Variants in FARS2 observed in about 807,000 individuals in gnomAD.
The protein encoded by FARS2 is phenylalanyl-tRNA synthetase 2, mitochondrial.
FARS2 carries 40 observed loss-of-function variants against 46.4 expected under a neutral mutation model. The observed-to-expected ratio is 0.86, with a 90% CI of 0.67 to 1.12. The LOEUF (loss-of-function observed/expected upper bound fraction) is 1.12, where lower values mean the gene tolerates loss of function less well. Ranked by LOEUF, FARS2 falls within the 50% of genes most tolerant of loss-of-function variation. The probability of loss-of-function intolerance (pLI) is 0.00; values close to 1 mark genes in which losing one functional copy is unlikely to be tolerated. For missense variants in FARS2, 513 were observed against 567.9 expected, an observed-to-expected ratio of 0.90 and a Z score of 0.98; for synonymous variants, 234 against 214.9, an observed-to-expected ratio of 1.09 and a Z score of -0.78.
intron 1 of FARS2, among the ~76,000 whole-genome samples, chr6:5,293,311 T>A (rs916711247): frequency 2.6e-5 from 4 of 152,188 alleles, no homozygotes; most frequent in Non-Finnish European, 5.9e-5. Context: ...AATTATGTGC[T>A]GAAATGAGTG....
intron 1 of FARS2, among the ~76,000 whole-genome samples, chr6:5,340,090 A>G (rs1480157624): frequency 6.6e-6 from 1 of 152,158 alleles, no homozygotes; most frequent in Non-Finnish European, 1.5e-5. Flanking sequence ...CCAAATACTG[A>G]CTGAGTTCTT....
intron 5 of FARS2, chr6:5,610,310 T>TA (rs201834120): frequency 0.013 from 4,188 of 332,468 alleles, 1 homozygote; most frequent in Non-Finnish European, 0.017. Context: ...TCAATTCTTT[T>TA]TAAAAAAAAA....
At chr6:5,737,255 G>A (rs545251273) in intron 6 of FARS2, among the ~76,000 whole-genome samples, 5 of 152,324 alleles carry the variant, frequency 3.3e-5, no homozygotes, top group East Asian at 1.9e-4. Flanking sequence ...GATCCTGGCC[G>A]GGCGCAATGG....
upstream of FARS2, among the ~76,000 whole-genome samples, chr6:5,258,061 C>T (rs1480263034): frequency 6.6e-6 from 1 of 152,088 alleles, no homozygotes; most frequent in Non-Finnish European, 1.5e-5. Context: ...TGATAAAGGG[C>T]CTGCTGGATA....
intron 6 of FARS2, among the ~76,000 whole-genome samples, chr6:5,713,253 G>A (rs980058847): frequency 6.6e-6 from 1 of 152,210 alleles, no homozygotes; most frequent in African/African-American, 2.4e-5. Context: ...TAGCGTTTTG[G>A]TTGTAAAACA....
intron 1 of FARS2, among the ~76,000 whole-genome samples, chr6:5,338,666 A>G (rs974736581): frequency 1.1e-4 from 16 of 142,564 alleles, no homozygotes; most frequent in African/African-American, 4.0e-4. Flanking sequence ...AGGGCACTTC[A>G]TGGCATTCTC....
intron 6 of FARS2, among the ~76,000 whole-genome samples, chr6:5,768,467 A>G (rs1322690365): frequency 6.6e-6 from 1 of 152,194 alleles, no homozygotes; most frequent in Non-Finnish European, 1.5e-5. Context: ...TAGAGGTGCC[A>G]TATTACCAGC....
chr6:5,660,093 C>A (rs930972032), intron 6 of FARS2, among the ~76,000 whole-genome samples: 4 of 152,166 alleles, frequency 2.6e-5, no homozygotes, highest in African/African-American at 9.7e-5. Context: ...TGCCATCCAC[C>A]AATCTTGCAC....
intron 6 of FARS2, among the ~76,000 whole-genome samples, chr6:5,624,908 A>G (rs1775957099): frequency 6.6e-6 from 1 of 151,524 alleles, no homozygotes; most frequent in Non-Finnish European, 1.5e-5. Flanking sequence ...TCCGTTCACA[A>G]GATCACTTCT....
At chr6:5,580,816 A>G (rs1363167817) in intron 5 of FARS2, among the ~76,000 whole-genome samples, 2 of 152,204 alleles carry the variant, frequency 1.3e-5, no homozygotes, top group African/African-American at 2.4e-5. Flanking sequence ...TCCACATTGG[A>G]TACTGGTTCC....
chr6:5,575,140 T>TGGG (rs1772885453), intron 5 of FARS2, among the ~76,000 whole-genome samples: 1 of 152,150 alleles, frequency 6.6e-6, no homozygotes, highest in African/African-American at 2.4e-5. Context: ...AGAGAGTACT[T>TGGG]CAGCACTATG....
rs147180084 is a variant in FARS2 at position 5,684,339 on chromosome 6, G to A, written c.1217+71019G>A. Among the ~76,000 whole-genome samples the A allele has an allele frequency of 5.6e-4, 85 of 152,210 alleles. 1 individual carries two copies. The highest frequency in any genetic ancestry group is 1.9e-3 in the African/African-American group (79 of 41,508). ...ACGCCCATCACCTGCCCAGCCCTGCGCACTAGTATGCAAAACTACAGCTGA... is the reference window on the plus strand; with the variant it reads ...ACGCCCATCACCTGCCCAGCCCTGCACACTAGTATGCAAAACTACAGCTGA... On this transcript the variant is annotated intron_variant, in intron 6 of 6. Transcript: ENST00000274680.
intron 4 of FARS2, among the ~76,000 whole-genome samples, chr6:5,498,602 T>C (rs1561664924): frequency 1.3e-5 from 2 of 152,178 alleles, no homozygotes; most frequent in Non-Finnish European, 2.9e-5. Flanking sequence ...ATTAGATTTA[T>C]GATCCATGTA....
intron 4 of FARS2, among the ~76,000 whole-genome samples, chr6:5,484,296 C>G (rs997460750): frequency 3.2e-4 from 48 of 152,120 alleles, no homozygotes; most frequent in Non-Finnish European, 2.2e-4. Flanking sequence ...GGTGCATTAC[C>G]AATCAGAAGT....
intron 5 of FARS2, among the ~76,000 whole-genome samples, chr6:5,602,140 G>A (rs567171426): frequency 1.3e-3 from 204 of 152,266 alleles, no homozygotes; most frequent in African/African-American, 4.7e-3. Context: ...GAGAATGATA[G>A]TGCTACCCTG....
intron 1 of FARS2, among the ~76,000 whole-genome samples, chr6:5,272,651 T>C (rs1766043456): frequency 6.6e-6 from 1 of 152,234 alleles, no homozygotes; most frequent in Admixed American, 6.5e-5. Flanking sequence ...AATATTTGTC[T>C]TTATGCTAGA....
At chr6:5,674,999 T>C (rs1410503980) in intron 6 of FARS2, among the ~76,000 whole-genome samples, 1 of 152,238 alleles carries the variant, frequency 6.6e-6, no homozygotes, top group Non-Finnish European at 1.5e-5. Flanking sequence ...GGTCATACTC[T>C]GTGCTTTCTA....
intron 1 of FARS2, among the ~76,000 whole-genome samples, chr6:5,360,169 G>A (rs987487671): frequency 6.6e-6 from 1 of 152,160 alleles, no homozygotes; most frequent in Non-Finnish European, 1.5e-5. Context: ...TCAAATTAAC[G>A]ATTTCAAAAT....
At chr6:5,738,143 G>A (rs1459106079) in intron 6 of FARS2, among the ~76,000 whole-genome samples, 1 of 152,054 alleles carries the variant, frequency 6.6e-6, no homozygotes, top group African/African-American at 2.4e-5. Context: ...GTAGAGACAG[G>A]GTCTCACTAT....
Sources: gnomAD v4.1 joint callset for allele counts (sites outside exome capture counted in the v4.1 genomes callset) on GRCh38, gnomAD v4.1.1 for gene constraint, MANE v1.5 for transcripts, NCBI Gene and HGNC (gene_info 2026-07-23, HGNC 2026-07-21) for gene names.